The following AXIN1 variants were observed in gnomAD, a reference collection of about 807,000 sequenced individuals.
The protein encoded by AXIN1 is axin-1.
Under a neutral mutation model 76.4 loss-of-function variants are expected in AXIN1, and 30 were observed. The ratio of observed to expected loss-of-function variants is 0.39; its 90% CI spans 0.29 to 0.53. AXIN1 has a LOEUF of 0.53. Ranked by LOEUF, AXIN1 falls within the 20% of genes least tolerant of loss-of-function variation. The probability of loss-of-function intolerance (pLI) is 0.66; values close to 1 mark genes in which losing one functional copy is unlikely to be tolerated. For missense variants in AXIN1, 1,140 were observed against 1,198.8 expected (o/e 0.95, Z 0.72); for synonymous variants, 545 against 501.4 (o/e 1.09, Z -1.16).
Position 346,288 on chromosome 16 carries a change from T to C in AXIN1, c.738A>G (p.Glu246=), listed in dbSNP as rs1296893245. The change falls in exon 2 of 11, where the codon GAA becomes GAG. Residue 246 remains glutamate, a synonymous_variant. Transcript: ENST00000262320. ...CATCCATGTCCTGGTCACACTTCCA[T>C]TCCTCATCTTCATTTAAGGTCGGCA... ...GYLPTLNEDE[E]WKCDQDMDED... 6.2e-7 allele frequency: 1 copy of C among 1,614,200 alleles called. No individual in the cohort carries two copies. Among genetic ancestry groups the C allele is most frequent in the Non-Finnish European group, 8.5e-7 (1 of 1,180,022 alleles).
rs201756048 is a variant in AXIN1, at chr16:309,925, G to A, written c.1116+48C>T. Reference sequence around the variant, plus strand: ...CCGCGGACCAGTTCACCAGGCCCACGCTGAGCGGGGAGGACGATGGGCTGA... The same window carrying A: ...CCGCGGACCAGTTCACCAGGCCCACACTGAGCGGGGAGGACGATGGGCTGA... On this transcript the variant is annotated intron_variant, in intron 4 of 10. Coordinates refer to ENST00000262320, the MANE Select transcript of AXIN1 (RefSeq NM_003502.4). The A allele has an allele frequency of 1.0e-4, 166 of 1,587,026 alleles. No homozygotes were observed. The East Asian group carries it at 2.1e-3, about 20-fold the overall frequency.
chr16:309,855 C>T, intron 4 of AXIN1, 118 bp downstream of exon 4: 1 of 962,122 alleles, frequency 1.0e-6, no homozygotes, highest in Non-Finnish European at 1.6e-6. Context: ...CACGCTTACG[C>T]CTAGAGGTAA....
intron 5 of AXIN1, 111 bp downstream of exon 5, chr16:304,180 GGCCTCATGGGTCA>G (rs1432477261): frequency 2.0e-6 from 3 of 1,510,966 alleles, no homozygotes; most frequent in Non-Finnish European, 2.7e-6. Context: ...TCAGCCGGGA[GGCCTCATGGGTCA>G]GCAGGCCTCG....
At chr16:290,446 C>G (rs1226051627) in intron 9 of AXIN1, 1 of 156,142 alleles carries the variant, frequency 6.4e-6, no homozygotes, top group Non-Finnish European at 1.4e-5. Flanking sequence ...GGAGCCAGGC[C>G]CATCAGAGAA....
At chr16:298,406 G>T (rs1351908785) in intron 5 of AXIN1, among the ~76,000 whole-genome samples, 155 bp from the exon 6 acceptor site, 1 of 152,390 alleles carries the variant, frequency 6.6e-6, no homozygotes, top group South Asian at 2.1e-4. Context: ...CCTGAGGATG[G>T]AGAGGCAGGA....
Position 293,840 on chromosome 16 carries a change from G to A in AXIN1, c.1956-122C>T, listed in dbSNP as rs958973559. The A allele has an allele frequency of 1.1e-4, 105 of 956,374 alleles. No homozygotes were observed. In the East Asian group the frequency reaches 2.2e-3, roughly 20 times the overall value. The allele number at this position is 956,374 out of a possible 1,614,324, so 59.2% of individuals were successfully genotyped here. A position where few individuals can be genotyped will look rare whatever the true frequency, so the allele number is the denominator to read the frequency against. On this transcript the variant is annotated intron_variant, in intron 7 of 10. Coordinates refer to ENST00000262320, the MANE Select transcript of AXIN1 (RefSeq NM_003502.4). This position sits in a 1 kb window ranked among gnomAD's most constrained non-coding sequence, Gnocchi z 4.6. ...GGATAGGATGGGATGGGGCACTGGG[G>A]CCTGGCCACCAAGCCACATGGACGT...
At chr16:349,062 A>G (rs1352123198) in intron 1 of AXIN1, among the ~76,000 whole-genome samples, 1 of 152,108 alleles carries the variant, frequency 6.6e-6, no homozygotes, top group East Asian at 1.9e-4. Flanking sequence ...CGCGCCGGCC[A>G]CTGCACTCCA....
chr16:309,329 C>T (rs570544362), intron 4 of AXIN1, among the ~76,000 whole-genome samples: 3 of 152,166 alleles, frequency 2.0e-5, no homozygotes, highest in South Asian at 2.1e-4. Context: ...CTCATCTTCC[C>T]GTAACATCTT....
rs2141594445 is a variant in AXIN1 at position 314,681 on chromosome 16, T to C, written c.881A>G (p.Tyr294Cys). The change falls in exon 3 of 11, where the codon TAT (tyrosine) becomes TGT (cysteine). Residue 294 changes from tyrosine (Y) to cysteine (C), a missense_variant and splice_region_variant. Tyr to Cys is a radical substitution (Grantham distance 194). Transcript: ENST00000262320. ...GTTGACTGGCTCCCGCCAGGATCCATACCTGCAAACAGGCAAGCAGGGCAT... is the reference window on the plus strand; with the variant it reads ...GTTGACTGGCTCCCGCCAGGATCCACACCTGCAAACAGGCAAGCAGGGCAT... The part of the protein sequence containing the change: ...RRYSEGREFR[Y>C]GSWREPVNPY... 3 of 1,613,672 alleles carry C rather than the reference T, an allele frequency of 1.9e-6. No homozygotes were observed. Among genetic ancestry groups the C allele is most frequent in the Non-Finnish European group, 2.5e-6 (3 of 1,180,024 alleles).
Position 287,452 on chromosome 16 carries a change from A to C in AXIN1, c.*670T>G. The C allele has an allele frequency of 2.3e-6, 1 of 438,780 alleles. No individual in the cohort carries two copies. Among genetic ancestry groups the C allele is most frequent in the Non-Finnish European group, 4.0e-6 (1 of 247,132 alleles). The allele number at this position is 438,780 out of a possible 1,614,324, so 27.2% of individuals were successfully genotyped here. Reference sequence around the variant, plus strand: ...CACCACAGCCAGGGCAGGTTCAAAAACAGTTTTATTTCATTATTATCCAAG... The same window carrying C: ...CACCACAGCCAGGGCAGGTTCAAAACCAGTTTTATTTCATTATTATCCAAG... On this transcript the variant is annotated 3_prime_UTR_variant, in exon 11 of 11. Coordinates refer to ENST00000262320, the MANE Select transcript of AXIN1 (RefSeq NM_003502.4).
At chr16:344,912 T>C (rs996345889) in intron 2 of AXIN1, among the ~76,000 whole-genome samples, 1 of 152,172 alleles carries the variant, frequency 6.6e-6, no homozygotes, top group African/African-American at 2.4e-5. Context: ...AATGCGAGTT[T>C]TTAATAACTC....
intron 10 of AXIN1, chr16:288,450 G>A: frequency 1.3e-6 from 1 of 758,978 alleles, no homozygotes; most frequent in Non-Finnish European, 2.2e-6. Flanking sequence ...CAGCCATGGG[G>A]GGTGAGTTCA....
At chr16:290,843 G>A in intron 9 of AXIN1, 1 of 413,080 alleles carries the variant, frequency 2.4e-6, no homozygotes, top group South Asian at 2.1e-5. Flanking sequence ...AGGCCTGGCA[G>A]GGACCGGCCC....
intron 3 of AXIN1, among the ~76,000 whole-genome samples, chr16:311,546 C>G (rs866876025): frequency 4.0e-5 from 6 of 151,100 alleles, no homozygotes; most frequent in Non-Finnish European, 7.4e-5. Flanking sequence ...CCGAGGCGGG[C>G]GGATCACGAG....
At position 334,734 on chromosome 16, in the gene AXIN1, A is replaced by G. The variant is rs113010939; in HGVS notation, c.878+11414T>C. 5.2e-3 allele frequency among the ~76,000 whole-genome samples: 783 copies of G among 151,948 alleles called. 9 individuals carry two copies. Among genetic ancestry groups the G allele is most frequent in the African/African-American group, 0.017 (714 of 41,362 alleles). ...TAGCACCCAGTACCACAGCATGCCA[A>G]TAACACAGCACCTAGTACCACAACA... On this transcript the variant is annotated intron_variant, in intron 2 of 10. Transcript: ENST00000262320.
intron 2 of AXIN1, among the ~76,000 whole-genome samples, chr16:318,821 CT>C (rs2053366462): frequency 6.6e-6 from 1 of 152,224 alleles, no homozygotes; most frequent in Non-Finnish European, 1.5e-5. Context: ...ATGCTGACCC[CT>C]GGCTGTGTGC....
At chr16:314,478 G>A (rs2053253502) in intron 3 of AXIN1, 65 bp downstream of exon 3, 1 of 1,606,892 alleles carries the variant, frequency 6.2e-7, no homozygotes, top group African/African-American at 1.3e-5. Context: ...CAAGGGACAA[G>A]GTGTCTGGGA....
Position 309,953 on chromosome 16 carries a change from A to G in AXIN1, c.1116+20T>C, listed in dbSNP as rs2301522. The G allele has an allele frequency of 0.66, 1,055,750 of 1,610,148 alleles. 351,474 individuals are homozygous for G. The highest frequency in any genetic ancestry group is 0.88 in the African/African-American group (66,166 of 74,988). On this transcript the variant is annotated intron_variant, in intron 4 of 10. Transcript: ENST00000262320. ...GAGCGGGGAGGACGATGGGCTGAGG[A>G]CCGCAAAGCCGGTACTTACGGGAAT... is the stretch of plus-strand genomic sequence containing the variant.
At chr16:338,962 T>C (rs2053860209) in intron 2 of AXIN1, among the ~76,000 whole-genome samples, 1 of 146,766 alleles carries the variant, frequency 6.8e-6, no homozygotes, top group Non-Finnish European at 1.5e-5. Context: ...GCTGGTGCTG[T>C]GGGGACAGAG....
Sources: allele counts gnomAD v4.1 joint callset (sites outside exome capture counted in the v4.1 genomes callset), GRCh38; gene constraint gnomAD v4.1.1; non-coding constraint Gnocchi (gnomAD v3.1); transcripts MANE v1.5; gene names NCBI Gene and HGNC (gene_info 2026-07-23, HGNC 2026-07-21).